UPK3B: variants seen among roughly 807,000 people sequenced by gnomAD.
UPK3B encodes uroplakin-3b.
Under a neutral mutation model 27.6 loss-of-function variants are expected in UPK3B, and 21 were observed. The ratio of observed to expected loss-of-function variants is 0.76; its 90% CI spans 0.54 to 1.10. The LOEUF is 1.10. Ranked by LOEUF, UPK3B falls within the 50% of genes least tolerant of loss-of-function variation. UPK3B has a pLI of 0.00. For missense variants in UPK3B, 306 were observed against 376.1 expected, an observed-to-expected ratio of 0.81 and a Z score of 1.54; for synonymous variants, 141 against 162.3, an observed-to-expected ratio of 0.87 and a Z score of 1.00.
rs377164828 is a variant in UPK3B, at chr7:76,511,679, G to A, written c.258G>A (p.Pro86=). 25 of 1,602,264 alleles carry A rather than the reference G, an allele frequency of 1.6e-5. No homozygotes were observed. In the East Asian group the frequency reaches 2.5e-4, roughly 16 times the overall value. The change falls in exon 3 of 6, where the codon CCG becomes CCA. Residue 86 remains proline (P), a synonymous_variant. Coordinates refer to ENST00000334348, the MANE Select transcript of UPK3B (RefSeq NM_001347684.2). Reference sequence around the variant, plus strand: ...CAGCCTCCAGGGGCTTCCAGAACCCGGAGACACTGGCTGACATTCCGGCCT... The same window carrying A: ...CAGCCTCCAGGGGCTTCCAGAACCCAGAGACACTGGCTGACATTCCGGCCT... ...FSNASRGFQN[P]ETLADIPASP...
chr7:76,513,815 G>T, intron 4 of UPK3B, 132 bp from the exon 5 acceptor site: 1 of 1,381,574 alleles, frequency 7.2e-7, no homozygotes. Context: ...TGGGATCAGG[G>T]GGGCGCCTGG....
intron 4 of UPK3B, 92 bp downstream of exon 4, chr7:76,513,255 G>T: frequency 1.6e-6 from 2 of 1,245,118 alleles, no homozygotes; most frequent in South Asian, 2.6e-5. Flanking sequence ...GCTCCCACAG[G>T]GCTGGGGGCC....
chr7:76,516,103 C>A lies in UPK3B; in HGVS notation c.*899C>A, dbSNP rs561921659. On this transcript the variant is annotated 3_prime_UTR_variant, in exon 6 of 6. Coordinates refer to ENST00000334348, the MANE Select transcript of UPK3B (RefSeq NM_001347684.2). ...GCCGGTGGTTCCCGTCGTCGCCACTCGGGGTCGCCGGTGAGCCGCAGCCAG... is the reference window on the plus strand; with the variant it reads ...GCCGGTGGTTCCCGTCGTCGCCACTAGGGGTCGCCGGTGAGCCGCAGCCAG... The A allele has an allele frequency of 1.1e-5, 7 of 610,844 alleles. 2 individuals are homozygous for A. The highest frequency in any genetic ancestry group is 1.3e-5 in the Non-Finnish European group (7 of 529,694). 37.8% of individuals were successfully genotyped at this position (610,844 alleles called of 1,614,324 possible).
Position 76,510,585 on chromosome 7 carries a change from G to C in UPK3B, c.-68G>C. Reference sequence around the variant, plus strand: ...TAACCAGCTTCTCCAGGGCCAAGCTGTTGGGGGTGAGGTGCAGCCCGAAGC... The same window carrying C: ...TAACCAGCTTCTCCAGGGCCAAGCTCTTGGGGGTGAGGTGCAGCCCGAAGC... On this transcript the variant is annotated 5_prime_UTR_variant, in exon 1 of 6. Transcript: ENST00000334348. 5.2e-6 allele frequency: 7 copies of C among 1,358,046 alleles called. No individual in the cohort carries two copies. The highest frequency in any genetic ancestry group is 6.7e-6 in the Non-Finnish European group (7 of 1,043,164). 84.1% of individuals were successfully genotyped at this position (1,358,046 alleles called of 1,614,324 possible).
At chr7:76,513,249 C>T (rs1453565429) in intron 4 of UPK3B, 86 bp downstream of exon 4, 4 of 1,295,484 alleles carry the variant, frequency 3.1e-6, no homozygotes, top group Non-Finnish European at 4.4e-6. Flanking sequence ...ACCCCTGCTC[C>T]CACAGGGCTG....
chr7:76,513,351 G>C lies in UPK3B; in HGVS notation c.541+188G>C, dbSNP rs374105256. Among the ~76,000 whole-genome samples, 97 of 152,290 alleles carry C rather than the reference G, an allele frequency of 6.4e-4. No homozygotes were observed. The South Asian group carries it at 9.9e-3, about 16-fold the overall frequency. ...CACCCAGCCAGCCCCCTCGGCAGGG[G>C]CACCATCTCGGCCCATCCGCAAGCG... On this transcript the variant is annotated intron_variant, in intron 4 of 5. Transcript: ENST00000334348.
chr7:76,513,380 G>C (rs1812606999), intron 4 of UPK3B, among the ~76,000 whole-genome samples: 1 of 152,192 alleles, frequency 6.6e-6, no homozygotes. Flanking sequence ...GCAAGCGTTT[G>C]CCACATTGTG....
Position 76,513,985 on chromosome 7 carries a change from C to T in UPK3B, c.580C>T (p.Arg194Ter), listed in dbSNP as rs144294263. 105 of 1,613,776 alleles carry T rather than the reference C, an allele frequency of 6.5e-5. No homozygotes were observed. The highest frequency in any genetic ancestry group is 8.2e-5 in the Non-Finnish European group (97 of 1,179,954). Residue 194 changes from arginine (R) to a stop codon, truncating the protein, a stop_gained, in exon 5 of 6, where the codon CGA becomes TGA. Coordinates refer to ENST00000334348, the MANE Select transcript of UPK3B (RefSeq NM_001347684.2). LOFTEE classifies it high-confidence loss of function. ...PGSIDTWPGR[R>*]SGSMIVITSI... The stretch of plus-strand genomic sequence containing the variant: ...ATCCATCGACACCTGGCCAGGGCGG[C>T]GAAGTGGCAGCATGATCGTCATTAC...
Position 76,516,063 on chromosome 7 carries a change from C to A in UPK3B, c.*859C>A, listed in dbSNP as rs958569513. 7.0e-5 allele frequency: 43 copies of A among 610,398 alleles called. 17 individuals carry two copies. Among genetic ancestry groups the A allele is most frequent in the Non-Finnish European group, 8.1e-5 (43 of 529,492 alleles). 37.8% of individuals were successfully genotyped at this position (610,398 alleles called of 1,614,324 possible). ...ACCCTCTGTGCAAAACCTCAAGCGT[C>A]CATCTGTGCACAAGGCCGGTGGTTC... is the stretch of plus-strand genomic sequence containing the variant. On this transcript the variant is annotated 3_prime_UTR_variant, in exon 6 of 6. Coordinates refer to ENST00000334348, the MANE Select transcript of UPK3B (RefSeq NM_001347684.2).
At chr7:76,513,812 A>G (rs1459705424) in intron 4 of UPK3B, 135 bp from the exon 5 acceptor site, 3 of 1,311,994 alleles carry the variant, frequency 2.3e-6, no homozygotes, top group Non-Finnish European at 3.2e-6. Context: ...GGGTGGGATC[A>G]GGGGGGCGCC....
chr7:76,514,957 A>T (rs1171458271), intron 5 of UPK3B, 88 bp from the exon 6 acceptor site: 57 of 1,421,780 alleles, frequency 4.0e-5, no homozygotes, highest in Non-Finnish European at 5.2e-5. Context: ...CACATGAGGG[A>T]GCTGGGAGGG....
chr7:76,514,044 C>T lies in UPK3B; in HGVS notation c.639C>T (p.Leu213=). 6.2e-7 allele frequency: 1 copy of T among 1,614,062 alleles called. No individual in the cohort carries two copies. ...SILSSLAGLL[L]LAFLAASTMR... ...TCTCTTCTCTGGCCGGCCTCCTACT[C>T]TTGGCCTTCTTGGCAGCCTCTACCA... The change falls in exon 5 of 6, where the codon CTC becomes CTT. Residue 213 remains leucine (L), a synonymous_variant. Coordinates refer to ENST00000334348, the MANE Select transcript of UPK3B (RefSeq NM_001347684.2).
In UPK3B at chr7:76,513,162, A is replaced by G. The variant is rs1352583849; in HGVS notation, c.540A>G (p.Gln180=). The change falls in exon 4 of 6, where the codon CAA becomes CAG. Residue 180 remains glutamine, a splice_region_variant and synonymous_variant. Coordinates refer to ENST00000334348, the MANE Select transcript of UPK3B (RefSeq NM_001347684.2). ...TKWSDPITLH[Q]GKTPGSIDTW... Reference sequence around the variant, plus strand: ...GGTCAGACCCCATCACTCTCCACCAAGGTAGCGCTGGGCAGGAGGGGCGCT... The same window carrying G: ...GGTCAGACCCCATCACTCTCCACCAGGGTAGCGCTGGGCAGGAGGGGCGCT... 6.2e-7 allele frequency: 1 copy of G among 1,613,286 alleles called. No homozygotes were observed. Among genetic ancestry groups the G allele is most frequent in the African/African-American group, 1.3e-5 (1 of 74,922 alleles).
chr7:76,511,321 T>G (rs1812524026), intron 2 of UPK3B, among the ~76,000 whole-genome samples: 1 of 152,084 alleles, frequency 6.6e-6, no homozygotes, highest in South Asian at 2.1e-4. Context: ...ATCCAAGTAG[T>G]TCTTCCTTTG....
intron 4 of UPK3B, 63 bp from the exon 5 acceptor site, chr7:76,513,881 GGGA>G: frequency 1.2e-6 from 2 of 1,605,988 alleles, no homozygotes; most frequent in Non-Finnish European, 1.7e-6. Context: ...GAGGGAGCGA[GGGA>G]GGAGATGACA....
rs564346184 is a variant in UPK3B, at chr7:76,515,942, C to G, written c.*738C>G. 30 of 610,726 alleles carry G rather than the reference C, an allele frequency of 4.9e-5. 12 individuals are homozygous for G. The highest frequency in any genetic ancestry group is 2.3e-3 in the Middle Eastern group (2 of 878). The allele number at this position is 610,726 out of a possible 1,614,324, so 37.8% of individuals were successfully genotyped here. A position where few individuals can be genotyped will look rare whatever the true frequency, so the allele number is the denominator to read the frequency against. On this transcript the variant is annotated 3_prime_UTR_variant, in exon 6 of 6. Coordinates refer to ENST00000334348, the MANE Select transcript of UPK3B (RefSeq NM_001347684.2). The stretch of plus-strand genomic sequence containing the variant: ...CTCTAGACCTGAGACGACCACGTGT[C>G]CAGATGTGACCTGTTGCTGTCGGGG...
intron 5 of UPK3B, among the ~76,000 whole-genome samples, chr7:76,514,327 C>A (rs1289142631): frequency 6.6e-6 from 1 of 152,118 alleles, no homozygotes; most frequent in Non-Finnish European, 1.5e-5. Context: ...AGCTGGGCAG[C>A]GCCCCTCCCA....
At position 76,510,822 on chromosome 7, in the gene UPK3B, C is replaced by T. The variant is rs139989637; in HGVS notation, c.86-81C>T. On this transcript the variant is annotated intron_variant, in intron 1 of 5. Coordinates refer to ENST00000334348, the MANE Select transcript of UPK3B (RefSeq NM_001347684.2). ...GGAGTGATTGGACCCTGGGCGCCCGCCCCCCTCCGATTGGGAGAGGCAGCC... is the reference window on the plus strand; with the variant it reads ...GGAGTGATTGGACCCTGGGCGCCCGTCCCCCTCCGATTGGGAGAGGCAGCC... 4.5e-5 allele frequency: 72 copies of T among 1,602,146 alleles called. No homozygotes were observed. In the African/African-American group the frequency reaches 7.5e-4, roughly 17 times the overall value.
Position 76,515,541 on chromosome 7 carries a change from T to G in UPK3B, c.*337T>G. The G allele has an allele frequency of 1.4e-6, 1 of 719,880 alleles. No individual in the cohort carries two copies. The highest frequency in any genetic ancestry group is 1.7e-6 in the Non-Finnish European group (1 of 597,962). The allele number at this position is 719,880 out of a possible 1,614,324, so 44.6% of individuals were successfully genotyped here. ...TGGAGACTGTGTGGACAGGCCGCCC[T>G]GACCGCAAGCTTCCAGACCCTGGGA... On this transcript the variant is annotated 3_prime_UTR_variant, in exon 6 of 6. Transcript: ENST00000334348.
Sources: allele counts gnomAD v4.1 joint callset (sites outside exome capture counted in the v4.1 genomes callset), GRCh38; gene constraint gnomAD v4.1.1; transcripts MANE v1.5; gene names NCBI Gene and HGNC (gene_info 2026-07-23, HGNC 2026-07-21).